The following GLP2R variants were observed in gnomAD, a reference collection of about 807,000 sequenced individuals.
The protein encoded by GLP2R is glucagon like peptide 2 receptor, also known as glucagon-like peptide 2 receptor.
In GLP2R, 59 loss-of-function variants were observed where a neutral mutation model predicts 68.2. The observed-to-expected ratio is 0.87, with a 90% confidence interval of 0.70 to 1.07. The LOEUF (loss-of-function observed/expected upper bound fraction) is 1.07, where lower values mean the gene tolerates loss of function less well. Ranked by LOEUF, GLP2R falls within the 50% of genes least tolerant of loss-of-function variation. The pLI is 0.00. For missense variants in GLP2R, 548 were observed against 677.4 expected (o/e 0.81, Z 2.12); for synonymous variants, 270 against 265.4 (o/e 1.02, Z -0.17).
chr17:9,885,797 C>A (rs77108028), intron 11 of GLP2R, among the ~76,000 whole-genome samples: 2 of 152,138 alleles, frequency 1.3e-5, no homozygotes, highest in African/African-American at 4.8e-5. Flanking sequence ...ACTAGGTCCA[C>A]TTTTTGATGC....
In GLP2R at chr17:9,850,718, ATCTC is replaced by A. The variant is rs1297164756; in HGVS notation, c.505-3766_505-3763del. Among the ~76,000 whole-genome samples, 86 of 89,310 alleles carry A rather than the reference ATCTC, an allele frequency of 9.6e-4. 1 individual carries two copies. Among genetic ancestry groups the A allele is most frequent in the Non-Finnish European group, 1.3e-3 (68 of 54,096 alleles). 58.6% of individuals were successfully genotyped at this position (89,310 alleles called of 152,430 possible). A position where few individuals can be genotyped will look rare whatever the true frequency, so the allele number is the denominator to read the frequency against. ...TTTTTTTTTTTTTTTTTGAGCCGGG[ATCTC>A]TCTCTCTCTCACCCAGGCTGGAGTG... On this transcript the variant is annotated intron_variant, in intron 4 of 12. Transcript: ENST00000262441.
chr17:9,827,790 G>A (rs377469631), intron 1 of GLP2R, among the ~76,000 whole-genome samples: 6 of 152,028 alleles, frequency 3.9e-5, no homozygotes, highest in African/African-American at 4.8e-5. Context: ...GTGAAACCCC[G>A]TCTGTACTAA....
At chr17:9,869,830 C>A (rs1010678749) in intron 9 of GLP2R, among the ~76,000 whole-genome samples, 3 of 152,220 alleles carry the variant, frequency 2.0e-5, no homozygotes, top group Admixed American at 6.5e-5. Flanking sequence ...ACACCATATT[C>A]TTTTCGTTAA....
chr17:9,857,597 T>C lies in GLP2R; in HGVS notation c.765+21T>C, dbSNP rs779215928. 2.5e-6 allele frequency: 4 copies of C among 1,612,520 alleles called. No homozygotes were observed. In the South Asian group the frequency reaches 4.4e-5, roughly 18 times the overall value. On this transcript the variant is annotated intron_variant, in intron 6 of 12. Coordinates refer to ENST00000262441, the MANE Select transcript of GLP2R (RefSeq NM_004246.3). ...CAGAGGTAATCCCCTTCCCCACTGTTTACACTGGACTCCCCACCTGATGGG... is the reference window on the plus strand; with the variant it reads ...CAGAGGTAATCCCCTTCCCCACTGTCTACACTGGACTCCCCACCTGATGGG...
intron 10 of GLP2R, 32 bp from the exon 11 acceptor site, chr17:9,880,346 C>T: frequency 1.4e-6 from 2 of 1,480,820 alleles, no homozygotes; most frequent in Non-Finnish European, 9.3e-7. Context: ...CCCATGTGGC[C>T]CTCTTGACTG....
chr17:9,887,487 A>T (rs2067253946), intron 11 of GLP2R, among the ~76,000 whole-genome samples: 1 of 152,222 alleles, frequency 6.6e-6, no homozygotes, highest in South Asian at 2.1e-4. Context: ...AGGTTGAGCC[A>T]CTGCACTCTA....
chr17:9,881,009 A>G (rs1377339576), intron 11 of GLP2R, among the ~76,000 whole-genome samples: 1 of 152,152 alleles, frequency 6.6e-6, no homozygotes, highest in Non-Finnish European at 1.5e-5. Flanking sequence ...ACCTGGAAAT[A>G]TTTTGGTCAT....
chr17:9,881,284 T>G (rs911957540), intron 11 of GLP2R, among the ~76,000 whole-genome samples: 4 of 152,064 alleles, frequency 2.6e-5, no homozygotes, highest in Admixed American at 6.5e-5. Flanking sequence ...TCCATGACAT[T>G]CCTTAGGCGT....
chr17:9,856,630 C>G (rs2066935948), intron 5 of GLP2R, among the ~76,000 whole-genome samples: 2 of 152,170 alleles, frequency 1.3e-5, no homozygotes, highest in East Asian at 1.9e-4. Context: ...CGGATTTAAT[C>G]ATTCCACAAC....
chr17:9,871,379 G>A (rs550746271), intron 10 of GLP2R, among the ~76,000 whole-genome samples: 92 of 152,092 alleles, frequency 6.0e-4, no homozygotes, highest in African/African-American at 2.1e-3. Flanking sequence ...AGAATGGGTG[G>A]TTGTGGGAAA....
intron 3 of GLP2R, 112 bp from the exon 4 acceptor site, chr17:9,842,383 A>C (rs2068761076): frequency 1.5e-6 from 2 of 1,351,602 alleles, no homozygotes; most frequent in South Asian, 2.7e-5. Flanking sequence ...ATGAGCCCCC[A>C]AAAGGGGAAA....
intron 1 of GLP2R, among the ~76,000 whole-genome samples, chr17:9,833,229 A>T (rs1475023627): frequency 6.6e-6 from 1 of 151,804 alleles, no homozygotes; most frequent in African/African-American, 2.4e-5. Flanking sequence ...GCACCATTGC[A>T]CTCCAGCCTG....
chr17:9,827,116 G>A (rs968160029), intron 1 of GLP2R, among the ~76,000 whole-genome samples: 1 of 151,940 alleles, frequency 6.6e-6, no homozygotes, highest in Admixed American at 6.6e-5. Context: ...TGATCTACCC[G>A]CCTCGGCCTC....
intron 3 of GLP2R, 69 bp from the exon 4 acceptor site, chr17:9,842,426 C>T: frequency 6.2e-7 from 1 of 1,603,260 alleles, no homozygotes; most frequent in Non-Finnish European, 8.5e-7. Context: ...TTTTCCACAG[C>T]TCTGTGGCAT....
At chr17:9,862,428 A>G (rs1258625593) in intron 9 of GLP2R, among the ~76,000 whole-genome samples, 2 of 152,236 alleles carry the variant, frequency 1.3e-5, no homozygotes, top group East Asian at 1.9e-4. Flanking sequence ...TAGCAGGGGT[A>G]TCGGCTTATA....
intron 4 of GLP2R, among the ~76,000 whole-genome samples, chr17:9,845,306 CT>C (rs1319252501): frequency 6.6e-6 from 1 of 152,198 alleles, no homozygotes; most frequent in Non-Finnish European, 1.5e-5. Context: ...TTCTTTAGCT[CT>C]CTAAAGTCAT....
intron 3 of GLP2R, among the ~76,000 whole-genome samples, chr17:9,838,052 T>C (rs2066749889): frequency 6.6e-6 from 1 of 152,134 alleles, no homozygotes. Context: ...TGAAATCCAG[T>C]TGGAATCATC....
At chr17:9,888,841 G>A (rs1335774427) in intron 12 of GLP2R, among the ~76,000 whole-genome samples, 3 of 152,198 alleles carry the variant, frequency 2.0e-5, no homozygotes, top group Non-Finnish European at 2.9e-5. Flanking sequence ...AGATTTGACA[G>A]TGGGAGGGGC....
At chr17:9,841,123 TCTC>T (rs1469306695) in intron 3 of GLP2R, among the ~76,000 whole-genome samples, 3 of 150,992 alleles carry the variant, frequency 2.0e-5, no homozygotes, top group African/African-American at 7.3e-5. Context: ...TTCAAGCAAT[TCTC>T]CTGCCTCAGC....
Sources: allele counts gnomAD v4.1 joint callset (sites outside exome capture counted in the v4.1 genomes callset), GRCh38; gene constraint gnomAD v4.1.1; transcripts MANE v1.5; gene names NCBI Gene and HGNC (gene_info 2026-07-23, HGNC 2026-07-21).